ARHGAP15: variants seen among roughly 807,000 people sequenced by gnomAD.
ARHGAP15 encodes the protein Rho GTPase activating protein 15, also known as rho GTPase-activating protein 15.
A neutral mutation model predicts 63.7 loss-of-function variants in ARHGAP15; 51 were observed. That is an observed-to-expected ratio of 0.80 (90% CI 0.64 to 1.01). The LOEUF is 1.01. Ranked by LOEUF, ARHGAP15 falls within the 50% of genes least tolerant of loss-of-function variation. The pLI is 0.00. For synonymous variants in ARHGAP15, 191 were observed against 193.8 expected (o/e 0.99, Z 0.12); for missense variants, 560 against 564.6 (o/e 0.99, Z 0.08).
intron 12 of ARHGAP15, among the ~76,000 whole-genome samples, chr2:143,674,245 A>G (rs1682714037): frequency 1.3e-5 from 2 of 152,182 alleles, no homozygotes; most frequent in Non-Finnish European, 1.5e-5. Context: ...AAAATGACTC[A>G]TAAGCTCATC....
chr2:143,692,888 C>A (rs1683672369), intron 12 of ARHGAP15, among the ~76,000 whole-genome samples: 1 of 152,166 alleles, frequency 6.6e-6, no homozygotes, highest in African/African-American at 2.4e-5. Flanking sequence ...GACTAACACA[C>A]ATCACTGCAA....
intron 6 of ARHGAP15, among the ~76,000 whole-genome samples, chr2:143,364,559 G>A (rs1290409884): frequency 1.3e-5 from 2 of 152,120 alleles, no homozygotes; most frequent in Non-Finnish European, 2.9e-5. Flanking sequence ...GTAAATGCTG[G>A]GAAACTTTAG....
chr2:143,254,080 G>T (rs755112311), intron 6 of ARHGAP15, among the ~76,000 whole-genome samples: 8 of 152,128 alleles, frequency 5.3e-5, no homozygotes, highest in Non-Finnish European at 1.2e-4. Flanking sequence ...CAGGGATAGA[G>T]TGAATAAAAA....
chr2:143,147,896 G>A (rs1379481232), intron 1 of ARHGAP15, among the ~76,000 whole-genome samples: 1 of 151,974 alleles, frequency 6.6e-6, no homozygotes, highest in Non-Finnish European at 1.5e-5. Flanking sequence ...CCACGAGCAT[G>A]TTATATATTT....
chr2:143,508,143 T>C (rs1693406412), intron 9 of ARHGAP15, among the ~76,000 whole-genome samples: 1 of 152,072 alleles, frequency 6.6e-6, no homozygotes, highest in Non-Finnish European at 1.5e-5. Context: ...TGAGGCTACA[T>C]TTTATGTTTT....
chr2:143,762,007 A>G (rs1034638620), intron 13 of ARHGAP15, among the ~76,000 whole-genome samples: 2 of 152,194 alleles, frequency 1.3e-5, no homozygotes, highest in African/African-American at 4.8e-5. Context: ...GAACAAATTC[A>G]TAAAATCATA....
At chr2:143,220,426 G>T (rs995580190) in intron 4 of ARHGAP15, among the ~76,000 whole-genome samples, 5 of 152,064 alleles carry the variant, frequency 3.3e-5, no homozygotes, top group African/African-American at 1.2e-4. Context: ...GCTCAGAATG[G>T]TTTGGAACCC....
intron 12 of ARHGAP15, among the ~76,000 whole-genome samples, chr2:143,661,709 G>A (rs1428121328): frequency 2.0e-5 from 3 of 152,330 alleles, no homozygotes; most frequent in Non-Finnish European, 2.9e-5. Flanking sequence ...ACAGGTCAGT[G>A]GGTGCGCACA....
intron 6 of ARHGAP15, among the ~76,000 whole-genome samples, chr2:143,358,594 G>T (rs1685904266): frequency 6.6e-6 from 1 of 150,772 alleles, no homozygotes; most frequent in African/African-American, 2.4e-5. Context: ...TACAAACCTG[G>T]ACCTTATAGA....
intron 6 of ARHGAP15, among the ~76,000 whole-genome samples, chr2:143,321,352 T>G (rs991762076): frequency 1.3e-5 from 2 of 152,254 alleles, no homozygotes; most frequent in Non-Finnish European, 2.9e-5. Flanking sequence ...TAAACTGACT[T>G]AAGTCCCTTT....
At chr2:143,636,612 A>C (rs1400871963) in intron 12 of ARHGAP15, among the ~76,000 whole-genome samples, 1 of 152,148 alleles carries the variant, frequency 6.6e-6, no homozygotes, top group East Asian at 1.9e-4. Context: ...TCAATGTCAG[A>C]TTTCCAGCAG....
intron 12 of ARHGAP15, among the ~76,000 whole-genome samples, chr2:143,650,009 A>G (rs1461018173): frequency 6.6e-6 from 1 of 151,950 alleles, no homozygotes; most frequent in Non-Finnish European, 1.5e-5. Context: ...AAAATTTTAT[A>G]AATTGTTTCT....
At chr2:143,438,345 TG>T (rs1386306610) in intron 8 of ARHGAP15, among the ~76,000 whole-genome samples, 1 of 151,842 alleles carries the variant, frequency 6.6e-6, no homozygotes, top group African/African-American at 2.4e-5. Context: ...AAGAAATATA[TG>T]TATATACACA....
intron 11 of ARHGAP15, among the ~76,000 whole-genome samples, chr2:143,578,059 A>T (rs1332758646): frequency 1.3e-5 from 2 of 152,148 alleles, no homozygotes; most frequent in African/African-American, 2.4e-5. Flanking sequence ...GGAACTTTTT[A>T]AAAATATTCA....
intron 1 of ARHGAP15, among the ~76,000 whole-genome samples, chr2:143,139,747 A>G (rs1320889171): frequency 6.6e-6 from 1 of 152,108 alleles, no homozygotes; most frequent in Non-Finnish European, 1.5e-5. Flanking sequence ...ATTAAAACAT[A>G]CTTTTTCTCA....
At chr2:143,275,166 AC>A (rs898685461) in intron 6 of ARHGAP15, among the ~76,000 whole-genome samples, 1 of 152,150 alleles carries the variant, frequency 6.6e-6, no homozygotes, top group African/African-American at 2.4e-5. Flanking sequence ...AGAAAACAAA[AC>A]AAAAAAGCAG....
chr2:143,413,971 G>T (rs75810980), intron 6 of ARHGAP15, among the ~76,000 whole-genome samples: 6 of 147,638 alleles, frequency 4.1e-5, no homozygotes, highest in Non-Finnish European at 6.0e-5. Context: ...GTGTGTGCGC[G>T]CTCTCTGGCA....
intron 12 of ARHGAP15, among the ~76,000 whole-genome samples, chr2:143,699,234 G>C (rs1276939791): frequency 6.6e-6 from 1 of 151,890 alleles, no homozygotes; most frequent in Non-Finnish European, 1.5e-5. Flanking sequence ...TGGAAGAGTG[G>C]GTGTGGTATT....
chr2:143,534,862 TAG>T (rs1694682174), intron 10 of ARHGAP15, among the ~76,000 whole-genome samples: 1 of 151,510 alleles, frequency 6.6e-6, no homozygotes, highest in Admixed American at 6.6e-5. Context: ...GCCTGAGTGA[TAG>T]ACTGAGAACC....
Sources: gnomAD v4.1 joint callset for allele counts (sites outside exome capture counted in the v4.1 genomes callset) on GRCh38, gnomAD v4.1.1 for gene constraint, MANE v1.5 for transcripts, NCBI Gene and HGNC (gene_info 2026-07-23, HGNC 2026-07-21) for gene names.